PTPRD: variants seen among roughly 807,000 people sequenced by gnomAD.
PTPRD encodes protein tyrosine phosphatase receptor type D.
PTPRD carries 34 observed loss-of-function variants against 214.5 expected under a neutral mutation model. The ratio of observed to expected loss-of-function variants is 0.16; its 90% confidence interval spans 0.12 to 0.21. The LOEUF is 0.21. PTPRD is among the 10% of genes least tolerant of loss of function. The pLI is 1.00. For synonymous variants in PTPRD, 1,128 were observed against 845.7 expected, an observed-to-expected ratio of 1.33 and a Z score of -5.79; for missense variants, 2,545 against 2,398.7, an observed-to-expected ratio of 1.06 and a Z score of -1.27.
chr9:10,180,406 T>A (rs956283067), intron 3 of PTPRD, among the ~76,000 whole-genome samples: 4 of 151,958 alleles, frequency 2.6e-5, no homozygotes, highest in Non-Finnish European at 5.9e-5. Flanking sequence ...CCTTGTTCAG[T>A]TGGGTTGAGA....
chr9:10,261,606 G>C (rs910689440), intron 3 of PTPRD, among the ~76,000 whole-genome samples: 2 of 152,022 alleles, frequency 1.3e-5, no homozygotes, highest in East Asian at 3.8e-4. Context: ...AAGAAAGACT[G>C]TACTAGTATA....
At chr9:9,784,306 G>A (rs532339145) in intron 5 of PTPRD, among the ~76,000 whole-genome samples, 1 of 151,892 alleles carries the variant, frequency 6.6e-6, no homozygotes, top group African/African-American at 2.4e-5. Flanking sequence ...ATTTACTATG[G>A]AAAATTTTAA....
chr9:9,716,101 G>C (rs976030088), intron 7 of PTPRD, among the ~76,000 whole-genome samples: 3 of 151,962 alleles, frequency 2.0e-5, no homozygotes, highest in Non-Finnish European at 4.4e-5. Context: ...AGAATATGCG[G>C]TGTTTGGTTT....
chr9:9,723,114 T>C (rs2097995664), intron 7 of PTPRD, among the ~76,000 whole-genome samples: 1 of 152,052 alleles, frequency 6.6e-6, no homozygotes, highest in African/African-American at 2.4e-5. Flanking sequence ...GTCACAAAGA[T>C]TTACTCCTAT....
At chr9:10,306,062 C>A (rs1293668720) in intron 3 of PTPRD, among the ~76,000 whole-genome samples, 1 of 152,028 alleles carries the variant, frequency 6.6e-6, no homozygotes, top group Admixed American at 6.6e-5. Context: ...GAAAATGTGG[C>A]ACATATACAC....
chr9:9,338,844 C>A (rs888041356), intron 9 of PTPRD, among the ~76,000 whole-genome samples: 2 of 152,094 alleles, frequency 1.3e-5, no homozygotes, highest in African/African-American at 4.8e-5. Context: ...TCTCCCCTAC[C>A]CCCTCACCCC....
intron 2 of PTPRD, among the ~76,000 whole-genome samples, chr9:10,489,376 G>T (rs2099153199): frequency 6.6e-6 from 1 of 152,110 alleles, no homozygotes; most frequent in South Asian, 2.1e-4. Context: ...TTCTCCTCCA[G>T]TGGAGATAAG....
At chr9:9,609,623 T>C (rs2094406806) in intron 7 of PTPRD, among the ~76,000 whole-genome samples, 1 of 152,096 alleles carries the variant, frequency 6.6e-6, no homozygotes. Flanking sequence ...CCACCACACC[T>C]GGCTAATTTT....
At chr9:8,876,374 C>T (rs2098390439) in intron 11 of PTPRD, among the ~76,000 whole-genome samples, 1 of 152,028 alleles carries the variant, frequency 6.6e-6, no homozygotes, top group Non-Finnish European at 1.5e-5. Context: ...ATACTAAATG[C>T]CAGTTTACCT....
chr9:10,457,695 C>A (rs2098928694), intron 2 of PTPRD, among the ~76,000 whole-genome samples: 1 of 152,002 alleles, frequency 6.6e-6, no homozygotes, highest in African/African-American at 2.4e-5. Flanking sequence ...AATTTTTATT[C>A]CCACCAGCAA....
chr9:8,771,421 A>G (rs959748237), intron 11 of PTPRD, among the ~76,000 whole-genome samples: 1 of 152,214 alleles, frequency 6.6e-6, no homozygotes, highest in South Asian at 2.1e-4. Flanking sequence ...TAATATATCT[A>G]ACAGTAGTGC....
chr9:9,376,023 G>C (rs766396137), intron 9 of PTPRD, among the ~76,000 whole-genome samples: 1 of 152,084 alleles, frequency 6.6e-6, no homozygotes, highest in Non-Finnish European at 1.5e-5. Context: ...AAAGAAGGTA[G>C]TGTTAAGACA....
At chr9:9,305,260 T>A (rs1030749063) in intron 9 of PTPRD, among the ~76,000 whole-genome samples, 1 of 151,980 alleles carries the variant, frequency 6.6e-6, no homozygotes, top group Non-Finnish European at 1.5e-5. Flanking sequence ...AGATATTTAC[T>A]TTTTTTGTTC....
chr9:10,496,263 A>G (rs2132979780), intron 2 of PTPRD, among the ~76,000 whole-genome samples: 1 of 151,896 alleles, frequency 6.6e-6, no homozygotes, highest in East Asian at 1.9e-4. Context: ...GCCAGTTAAG[A>G]CAAAAACACA....
rs75862421 is a variant in PTPRD at position 8,513,864 on chromosome 9, T to G, written c.1543+3984A>C. On this transcript the variant is annotated intron_variant, in intron 21 of 45. Coordinates refer to ENST00000381196, the MANE Select transcript of PTPRD (RefSeq NM_002839.4). ...TGCTATTTTGGAAGGTTTTCTTAGCTTATTGAGCTTGGCAGGCAGTCATTA... is the reference window on the plus strand; with the variant it reads ...TGCTATTTTGGAAGGTTTTCTTAGCGTATTGAGCTTGGCAGGCAGTCATTA... Among the ~76,000 whole-genome samples, 1,227 of 152,246 alleles carry G rather than the reference T, an allele frequency of 8.1e-3. 23 individuals are homozygous for G. The highest frequency in any genetic ancestry group is 0.027 in the African/African-American group (1,123 of 41,568).
At chr9:10,017,971 T>C (rs768144531) in intron 4 of PTPRD, among the ~76,000 whole-genome samples, 3 of 152,144 alleles carry the variant, frequency 2.0e-5, no homozygotes, top group Non-Finnish European at 2.9e-5. Context: ...CCATGGTACA[T>C]TCTAGGACTT....
At position 8,551,192 on chromosome 9, in the gene PTPRD, C is replaced by T. The variant is rs368964478; in HGVS notation, c.353-22413G>A. ...AACTGGTAATCCCTTCCTTAAGTGACTTTAACCTCCGTAGGCATTGGGCCC... is the reference window on the plus strand; with the variant it reads ...AACTGGTAATCCCTTCCTTAAGTGATTTTAACCTCCGTAGGCATTGGGCCC... On this transcript the variant is annotated intron_variant, in intron 14 of 45. Coordinates refer to ENST00000381196, the MANE Select transcript of PTPRD (RefSeq NM_002839.4). Among the ~76,000 whole-genome samples the T allele has an allele frequency of 3.2e-4, 49 of 152,286 alleles. 1 individual carries two copies. The highest frequency in any genetic ancestry group is 1.1e-3 in the African/African-American group (46 of 41,568).
At chr9:8,341,331 A>C in intron 40 of PTPRD, 63 bp from the exon 41 acceptor site, 1 of 1,484,212 alleles carries the variant, frequency 6.7e-7, no homozygotes, top group Non-Finnish European at 9.0e-7. Flanking sequence ...CTACAGTTTG[A>C]ATGCAGTGTA....
chr9:10,244,962 T>G (rs1490980122), intron 3 of PTPRD, among the ~76,000 whole-genome samples: 1 of 152,146 alleles, frequency 6.6e-6, no homozygotes. Flanking sequence ...AAAACTCTTC[T>G]CATTTTCCCA....
Sources: allele counts gnomAD v4.1 joint callset (sites outside exome capture counted in the v4.1 genomes callset), GRCh38; gene constraint gnomAD v4.1.1; transcripts MANE v1.5; gene names NCBI Gene and HGNC (gene_info 2026-07-23, HGNC 2026-07-21).